The following ETNK1 variants were observed in gnomAD, a reference collection of about 807,000 sequenced individuals.
ETNK1 encodes putative protein product of Nbla10396.
In ETNK1, 8 loss-of-function variants were observed where a neutral mutation model predicts 45.1. The ratio of observed to expected loss-of-function variants is 0.18; its 90% confidence interval spans 0.10 to 0.32. The LOEUF is 0.32. Ranked by LOEUF, ETNK1 falls within the 10% of genes least tolerant of loss-of-function variation. ETNK1 has a pLI of 1.00. For missense variants in ETNK1, 302 were observed against 430.6 expected, an observed-to-expected ratio of 0.70 and a Z score of 2.64; for synonymous variants, 152 against 151.9, an observed-to-expected ratio of 1.00 and a Z score of -0.01.
intron 6 of ETNK1, among the ~76,000 whole-genome samples, chr12:22,681,396 C>T (rs1954214366): frequency 6.6e-6 from 1 of 151,934 alleles, no homozygotes. Flanking sequence ...CTTGATTTCT[C>T]AGTCTTTTCC....
chr12:22,666,154 T>TC (rs1463530873), intron 4 of ETNK1, among the ~76,000 whole-genome samples: 4 of 152,160 alleles, frequency 2.6e-5, no homozygotes, highest in African/African-American at 7.2e-5. Context: ...AGAGTGAGCT[T>TC]CCTTTCTGAA....
At chr12:22,651,375 C>T (rs570381413) in intron 2 of ETNK1, among the ~76,000 whole-genome samples, 3 of 152,304 alleles carry the variant, frequency 2.0e-5, no homozygotes, top group African/African-American at 7.2e-5. Context: ...TAGCCCTTTT[C>T]TACTGGCACA....
Position 22,637,194 on chromosome 12 carries a change from C to T in ETNK1, c.157-6569C>T, listed in dbSNP as rs555941205. The stretch of plus-strand genomic sequence containing the variant: ...CCCTTTGCTGGGACCTGAGAATTCT[C>T]TCAAGACATTAAGCCGGGGCAGTCA... On this transcript the variant is annotated intron_variant, in intron 1 of 7. Transcript: ENST00000266517. Among the ~76,000 whole-genome samples, 43 of 152,362 alleles carry T rather than the reference C, an allele frequency of 2.8e-4. 4 individuals are homozygous for T. In the South Asian group the frequency reaches 8.7e-3, roughly 31 times the overall value.
chr12:22,640,283 T>G (rs1304323193), intron 1 of ETNK1, among the ~76,000 whole-genome samples: 2 of 152,076 alleles, frequency 1.3e-5, no homozygotes, highest in Non-Finnish European at 2.9e-5. Context: ...TAGTATACAT[T>G]TTAGGGATTA....
Position 22,685,009 on chromosome 12 carries a change from A to G in ETNK1, c.*55A>G. 7.5e-7 allele frequency: 1 copy of G among 1,325,968 alleles called. No individual in the cohort carries two copies. The highest frequency in any genetic ancestry group is 1.0e-6 in the Non-Finnish European group (1 of 953,380). The allele number at this position is 1,325,968 out of a possible 1,614,324, so 82.1% of individuals were successfully genotyped here. ...GAGCAATGCTTGTGAATCTTTTCTT[A>G]AGAAATCCCAAAAAGCCAATATTAG... On this transcript the variant is annotated 3_prime_UTR_variant, in exon 8 of 8. Coordinates refer to ENST00000266517, the MANE Select transcript of ETNK1 (RefSeq NM_018638.5).
intron 1 of ETNK1, among the ~76,000 whole-genome samples, chr12:22,633,270 C>T (rs934610691): frequency 6.6e-6 from 1 of 152,058 alleles, no homozygotes; most frequent in African/African-American, 2.4e-5. Context: ...TCTTTCACCA[C>T]GTTGGCCAGG....
chr12:22,680,520 T>C (rs987866933), intron 6 of ETNK1, among the ~76,000 whole-genome samples: 1 of 152,198 alleles, frequency 6.6e-6, no homozygotes, highest in African/African-American at 2.4e-5. Context: ...GCATACTCCA[T>C]GATGTTGCAT....
intron 2 of ETNK1, among the ~76,000 whole-genome samples, chr12:22,647,500 T>C (rs574280520): frequency 6.6e-6 from 1 of 152,002 alleles, no homozygotes; most frequent in East Asian, 1.9e-4. Flanking sequence ...ATAACTAAGG[T>C]ACCTCAACAC....
chr12:22,656,406 C>T, intron 2 of ETNK1: 1 of 985,354 alleles, frequency 1.0e-6, no homozygotes, highest in Non-Finnish European at 1.2e-6. Context: ...CTTCTGATCT[C>T]AGTAAACTTA....
At chr12:22,680,224 A>C (rs1476747441) in intron 6 of ETNK1, among the ~76,000 whole-genome samples, 1 of 151,746 alleles carries the variant, frequency 6.6e-6, no homozygotes, top group Non-Finnish European at 1.5e-5. Context: ...TTTATTTTTT[A>C]CCTTTGATTG....
chr12:22,683,173 C>T (rs1954229535), intron 6 of ETNK1, among the ~76,000 whole-genome samples: 1 of 152,084 alleles, frequency 6.6e-6, no homozygotes, highest in African/African-American at 2.4e-5. Context: ...TTTTATGCTT[C>T]ATGTGCAAGT....
intron 2 of ETNK1, among the ~76,000 whole-genome samples, chr12:22,646,649 T>C (rs1244629327): frequency 1.3e-5 from 2 of 151,890 alleles, no homozygotes; most frequent in Non-Finnish European, 1.5e-5. Flanking sequence ...TCTGGACTGA[T>C]TGATCAGTAA....
intron 6 of ETNK1, among the ~76,000 whole-genome samples, chr12:22,679,705 T>TG (rs1171443115): frequency 1.1e-5 from 1 of 89,800 alleles, no homozygotes. Flanking sequence ...GTTTTTTGTT[T>TG]TTTTTTTTTT....
chr12:22,626,195 A>G (rs532087458), intron 1 of ETNK1: 182 of 198,676 alleles, frequency 9.2e-4, no homozygotes, highest in Admixed American at 1.7e-3. Flanking sequence ...TGAAATTAAT[A>G]CCTGATACTA....
intron 2 of ETNK1, among the ~76,000 whole-genome samples, chr12:22,652,334 T>A (rs892555472): frequency 6.6e-6 from 1 of 152,224 alleles, no homozygotes; most frequent in African/African-American, 2.4e-5. Flanking sequence ...TAAATATGTT[T>A]TTGATACCCT....
In ETNK1 at chr12:22,643,800, G is replaced by C; in HGVS notation, c.194G>C (p.Cys65Ser). 1 of 1,612,742 alleles carries C rather than the reference G, an allele frequency of 6.2e-7. No individual in the cohort carries two copies. Among genetic ancestry groups the C allele is most frequent in the African/African-American group, 1.3e-5 (1 of 74,974 alleles). ...TDGITNKLIG[C>S]YVGNTMEDVV... The stretch of plus-strand genomic sequence containing the variant: ...GGAATCACAAATAAACTTATTGGCT[G>C]TTACGTGGGAAACACCATGGAGGAT... Residue 65 changes from cysteine to serine, a missense_variant, in exon 2 of 8, where the codon TGT becomes TCT. Physicochemically the swap from Cys to Ser is moderately radical, Grantham distance 112. Around this residue, in one of 3 missense-constraint regions of ETNK1, gnomAD observed 205 missense variants for 259.9 expected, o/e 0.79. Coordinates refer to ENST00000266517, the MANE Select transcript of ETNK1 (RefSeq NM_018638.5).
At chr12:22,655,328 GTTTTTTTTTT>G (rs10586779) in intron 2 of ETNK1, among the ~76,000 whole-genome samples, 7 of 122,790 alleles carry the variant, frequency 5.7e-5, no homozygotes, top group Admixed American at 8.1e-5. Flanking sequence ...GGGTTTGTTT[GTTTTTTTTTT>G]TTTTTTTTTT....
intron 4 of ETNK1, 68 bp from the exon 5 acceptor site, chr12:22,671,204 A>T: frequency 9.0e-7 from 1 of 1,105,162 alleles, no homozygotes; most frequent in Non-Finnish European, 1.4e-6. Context: ...ATTTAATTAC[A>T]AATAGCATAG....
At chr12:22,653,615 C>T (rs1313595112) in intron 2 of ETNK1, among the ~76,000 whole-genome samples, 5 of 151,994 alleles carry the variant, frequency 3.3e-5, no homozygotes, top group Admixed American at 6.6e-5. Flanking sequence ...TCGATGCTAT[C>T]GTAAATGGAA....
Sources: gnomAD v4.1 joint callset for allele counts (sites outside exome capture counted in the v4.1 genomes callset) on GRCh38, gnomAD v4.1.1 for gene constraint, gnomAD v4.1.1 regional missense constraint, MANE v1.5 for transcripts, NCBI Gene and HGNC (gene_info 2026-07-23, HGNC 2026-07-21) for gene names.